VGLL4: variants seen among roughly 807,000 people sequenced by gnomAD.
VGLL4 encodes the protein transcription cofactor vestigial-like protein 4.
VGLL4 carries 7 observed loss-of-function variants against 21.0 expected under a neutral mutation model. The ratio of observed to expected loss-of-function variants is 0.33; its 90% CI spans 0.19 to 0.63. The LOEUF (loss-of-function observed/expected upper bound fraction) is 0.63. Ranked by LOEUF, VGLL4 falls within the 20% of genes least tolerant of loss-of-function variation. VGLL4 has a pLI of 0.78. For synonymous variants in VGLL4, 222 were observed against 173.2 expected, an observed-to-expected ratio of 1.28 and a Z score of -2.21; for missense variants, 394 against 425.7, an observed-to-expected ratio of 0.93 and a Z score of 0.66.
At chr3:11,671,296 TGCACAG>T in intron 2 of VGLL4, 1 of 1,590,786 alleles carries the variant, frequency 6.3e-7, no homozygotes, top group Non-Finnish European at 8.5e-7. Context: ...AACTTTTGAG[TGCACAG>T]GACTCAGGGA....
In VGLL4 at chr3:11,643,296, C is replaced by T. The variant is rs1237920108; in HGVS notation, c.82+141G>A. 5 of 1,325,860 alleles carry T rather than the reference C, an allele frequency of 3.8e-6. No individual in the cohort carries two copies. The East Asian group carries it at 9.4e-5, about 25-fold the overall frequency. 82.1% of individuals were successfully genotyped at this position (1,325,860 alleles called of 1,614,324 possible). On this transcript the variant is annotated intron_variant, in intron 1 of 4. Coordinates refer to ENST00000430365, the MANE Select transcript of VGLL4 (RefSeq NM_001128219.3). ...AGATCCGAACACACTCGGTGCCGAA[C>T]CGAACCTAAGAAACGCCGGCCTTTC...
intron 2 of VGLL4, among the ~76,000 whole-genome samples, chr3:11,601,601 G>T (rs2074799719): frequency 6.6e-6 from 1 of 152,176 alleles, no homozygotes; most frequent in African/African-American, 2.4e-5. Context: ...TTTAACATGC[G>T]GAAGGTCCTA....
chr3:11,695,206 C>T (rs921456824), intron 2 of VGLL4, among the ~76,000 whole-genome samples: 2 of 151,978 alleles, frequency 1.3e-5, no homozygotes, highest in Admixed American at 1.3e-4. Flanking sequence ...CCTGCCACCA[C>T]AGCTGGCTAA....
intron 1 of VGLL4, among the ~76,000 whole-genome samples, chr3:11,709,694 T>C (rs1057241512): frequency 2.0e-5 from 3 of 151,926 alleles, no homozygotes; most frequent in Non-Finnish European, 4.4e-5. Flanking sequence ...TAACTAAAGG[T>C]TGAGAATTAG....
chr3:11,567,028 C>CT (rs2073566561), intron 2 of VGLL4, among the ~76,000 whole-genome samples: 1 of 152,176 alleles, frequency 6.6e-6, no homozygotes, highest in South Asian at 2.1e-4. Flanking sequence ...TAGATGGACC[C>CT]TGCGGCCCAG....
chr3:11,665,200 G>A (rs933089467), intron 2 of VGLL4, among the ~76,000 whole-genome samples: 17 of 125,920 alleles, frequency 1.4e-4, no homozygotes, highest in Non-Finnish European at 2.0e-4. Flanking sequence ...TGCAAGCTCC[G>A]CCTCCTGGGT....
chr3:11,559,421 C>A lies in VGLL4; in HGVS notation c.530G>T (p.Gly177Val). ...RPSVITCASA[G>V]ARNCNLSHCP... is the part of the protein sequence containing the mutation. ...GTGCGAGAGGTTGCAGTTGCGGGCGCCAGCCGAGGCACAGGTGATCACGGA... is the reference window on the plus strand; with the variant it reads ...GTGCGAGAGGTTGCAGTTGCGGGCGACAGCCGAGGCACAGGTGATCACGGA... The change falls in exon 4 of 5, where the codon GGC becomes GTC. Residue 177 changes from glycine to valine, a missense_variant. Gly to Val is a moderately radical substitution (Grantham distance 109). Coordinates refer to ENST00000430365, the MANE Select transcript of VGLL4 (RefSeq NM_001128219.3). 1 of 1,564,910 alleles carries A rather than the reference C, an allele frequency of 6.4e-7. No homozygotes were observed. Among genetic ancestry groups the A allele is most frequent in the African/African-American group, 1.4e-5 (1 of 74,064 alleles).
At chr3:11,625,924 G>T (rs559359408) in intron 1 of VGLL4, among the ~76,000 whole-genome samples, 10 of 152,250 alleles carry the variant, frequency 6.6e-5, no homozygotes, top group East Asian at 3.9e-4. Flanking sequence ...AACGGGTCAA[G>T]GTTTCTTCCG....
At chr3:11,627,199 T>TACACACACACACACACACAC in intron 1 of VGLL4, 1 of 122,544 alleles carries the variant, frequency 8.2e-6, no homozygotes, top group Non-Finnish European at 1.6e-5. Context: ...GTGTTTGTTT[T>TACACACACACACACACACAC]ATACACACAC....
At chr3:11,600,236 CA>C (rs1344215255) in intron 2 of VGLL4, among the ~76,000 whole-genome samples, 1 of 152,058 alleles carries the variant, frequency 6.6e-6, no homozygotes, top group Non-Finnish European at 1.5e-5. Flanking sequence ...ATATCACTGT[CA>C]AGGATACTGG....
At chr3:11,592,848 T>G (rs2125247964) in intron 2 of VGLL4, among the ~76,000 whole-genome samples, 1 of 152,212 alleles carries the variant, frequency 6.6e-6, no homozygotes, top group South Asian at 2.1e-4. Flanking sequence ...GATAAAACGA[T>G]CGTGCCCATG....
intron 1 of VGLL4, among the ~76,000 whole-genome samples, chr3:11,615,571 A>C (rs922603005): frequency 1.3e-5 from 2 of 152,252 alleles, no homozygotes; most frequent in Non-Finnish European, 1.5e-5. Context: ...GTTAGAAACA[A>C]GTAAGCTCCT....
rs760029625 is a variant in VGLL4, at chr3:11,620,299, G to A, written c.83-18277C>T. Among the ~76,000 whole-genome samples the A allele has an allele frequency of 2.6e-5, 4 of 152,116 alleles. No homozygotes were observed. The East Asian group carries it at 5.8e-4, about 22-fold the overall frequency. On this transcript the variant is annotated intron_variant, in intron 1 of 4. Transcript: ENST00000430365. ...TATGTTTCCAACTCCTATACCACTC[G>A]GAGAGGTTTCACAGAGCAGATGGTG...
chr3:11,707,580 T>C (rs546525544), intron 1 of VGLL4, among the ~76,000 whole-genome samples: 1 of 149,734 alleles, frequency 6.7e-6, no homozygotes, highest in East Asian at 2.0e-4. Context: ...GTGGGTGTGG[T>C]GGCTCAGCCA....
At chr3:11,692,680 A>G (rs2076545199) in intron 2 of VGLL4, among the ~76,000 whole-genome samples, 1 of 146,136 alleles carries the variant, frequency 6.8e-6, no homozygotes, top group Non-Finnish European at 1.5e-5. Context: ...GCAACGCACA[A>G]TTCAGTGCGC....
intron 3 of VGLL4, 37 bp from the exon 4 acceptor site, chr3:11,559,492 C>T: frequency 2.0e-6 from 3 of 1,517,358 alleles, no homozygotes; most frequent in Non-Finnish European, 2.7e-6. Context: ...TGGAGACCAG[C>T]TTCAGTACCG....
At chr3:11,657,928 G>A (rs929554636) in intron 2 of VGLL4, among the ~76,000 whole-genome samples, 1 of 152,032 alleles carries the variant, frequency 6.6e-6, no homozygotes, top group African/African-American at 2.4e-5. Context: ...CAAGTTTTTT[G>A]TTAGTTTTTC....
intron 2 of VGLL4, among the ~76,000 whole-genome samples, chr3:11,585,432 T>TAA (rs530121433): frequency 6.7e-5 from 9 of 135,034 alleles, no homozygotes; most frequent in African/African-American, 2.2e-4. Flanking sequence ...GATTCCATCT[T>TAA]AAAAAAAAAA....
At chr3:11,649,938 T>C (rs552967231) in intron 2 of VGLL4, among the ~76,000 whole-genome samples, 3,720 of 140,728 alleles carry the variant, frequency 0.026, 136 homozygotes, top group African/African-American at 0.09. Flanking sequence ...TGGTTTGGTT[T>C]GGTTTGGTTT....
Sources: gnomAD v4.1 joint callset for allele counts (sites outside exome capture counted in the v4.1 genomes callset) on GRCh38, gnomAD v4.1.1 for gene constraint, MANE v1.5 for transcripts, NCBI Gene and HGNC (gene_info 2026-07-23, HGNC 2026-07-21) for gene names.